CACNA1A: variants seen among roughly 807,000 people sequenced by gnomAD.
The protein encoded by CACNA1A is calcium voltage-gated channel subunit alpha1 A.
Under a neutral mutation model 262.4 loss-of-function variants are expected in CACNA1A, and 57 were observed. The observed-to-expected ratio is 0.22, with a 90% CI of 0.18 to 0.27. CACNA1A has a LOEUF of 0.27. Ranked by LOEUF, CACNA1A falls within the 10% of genes least tolerant of loss-of-function variation. CACNA1A has a pLI of 1.00. For missense variants in CACNA1A, 2,526 were observed against 3,562.8 expected (o/e 0.71, Z 7.41); for synonymous variants, 1,431 against 1,419.3 (o/e 1.01, Z -0.18).
At chr19:13,299,472 C>T in intron 18 of CACNA1A, 119 bp from the exon 19 acceptor site, 1 of 818,540 alleles carries the variant, frequency 1.2e-6, no homozygotes, top group Non-Finnish European at 2.0e-6. Context: ...CTCTACTCCC[C>T]ACTGAATGCT....
chr19:13,469,005 T>G (rs533698738), intron 1 of CACNA1A, among the ~76,000 whole-genome samples: 130 of 151,938 alleles, frequency 8.6e-4, no homozygotes, highest in African/African-American at 3.0e-3. Flanking sequence ...CCAACTCAGA[T>G]AAGGTGGAAA....
rs1306901408 is a variant in CACNA1A, at chr19:13,207,501, A to AGGACGCGTGTCGTAC, written c.7318_7332dup (p.Val2440_Ser2444dup). ...CTGGGCGAGCGCCCGGTGGCGCCCGAGGACGCGTGTCGTACGGGGGGTGGC... is the reference window on the plus strand; with the variant it reads ...CTGGGCGAGCGCCCGGTGGCGCCCGAGGACGCGTGTCGTACGGACGCGTGTCGTACGGGGGGTGGC... On this transcript the variant is annotated inframe_insertion, in exon 47 of 47. Coordinates refer to ENST00000360228, the MANE Select transcript of CACNA1A (RefSeq NM_001127222.2). This position sits in a 1 kb window ranked among gnomAD's most constrained non-coding sequence, Gnocchi z 5.7. 60 of 1,422,904 alleles carry AGGACGCGTGTCGTAC rather than the reference A, an allele frequency of 4.2e-5. No homozygotes were observed. The highest frequency in any genetic ancestry group is 5.2e-5 in the Non-Finnish European group (57 of 1,094,684). The allele number at this position is 1,422,904 out of a possible 1,614,324, so 88.1% of individuals were successfully genotyped here.
chr19:13,486,336 T>C (rs1288722094), intron 1 of CACNA1A, among the ~76,000 whole-genome samples: 1 of 152,084 alleles, frequency 6.6e-6, no homozygotes, highest in Non-Finnish European at 1.5e-5. Context: ...TGTTCATCTA[T>C]GTTCCTACAC....
intron 19 of CACNA1A, among the ~76,000 whole-genome samples, chr19:13,290,380 A>ATG (rs1431670597): frequency 6.7e-6 from 1 of 150,250 alleles, no homozygotes; most frequent in Admixed American, 6.6e-5. Flanking sequence ...ATCATCTGTA[A>ATG]TGTGTGTGTG....
At chr19:13,329,077 GAAC>G (rs531979551) in intron 10 of CACNA1A, among the ~76,000 whole-genome samples, 2 of 152,132 alleles carry the variant, frequency 1.3e-5, no homozygotes, top group South Asian at 4.1e-4. Flanking sequence ...ACCCATTAAA[GAAC>G]AACAACAACA....
chr19:13,286,417 G>A, intron 20 of CACNA1A, 86 bp downstream of exon 20: 1 of 593,222 alleles, frequency 1.7e-6, no homozygotes, highest in Non-Finnish European at 2.8e-6. Flanking sequence ...GAGAGATGGG[G>A]TCACAGTCCA....
intron 1 of CACNA1A, among the ~76,000 whole-genome samples, chr19:13,495,968 C>T (rs966851329): frequency 5.3e-5 from 8 of 152,048 alleles, no homozygotes; most frequent in African/African-American, 1.9e-4. Context: ...CACCCACCTA[C>T]CCTCCAATCA....
chr19:13,438,750 T>C (rs1555787127), intron 3 of CACNA1A, among the ~76,000 whole-genome samples: 1 of 152,222 alleles, frequency 6.6e-6, no homozygotes, highest in South Asian at 2.1e-4. Flanking sequence ...GTCTTGGGGA[T>C]TGTTTGTTAC....
At chr19:13,477,542 G>A (rs542529760) in intron 1 of CACNA1A, among the ~76,000 whole-genome samples, 1 of 152,324 alleles carries the variant, frequency 6.6e-6, no homozygotes, top group East Asian at 1.9e-4. Context: ...AATCAGGTAT[G>A]CAGCAGCAAA....
At chr19:13,240,792 G>GTGTGTGCGCAGTGAC (rs2056058972) in intron 31 of CACNA1A, among the ~76,000 whole-genome samples, 1 of 130,928 alleles carries the variant, frequency 7.6e-6, no homozygotes, top group East Asian at 2.3e-4. Context: ...CAGTGACTGA[G>GTGTGTGCGCAGTGAC]TGTGTGCACA....
In CACNA1A at chr19:13,240,007, C is replaced by T. The variant is rs560707026; in HGVS notation, c.4951-4277G>A. On this transcript the variant is annotated intron_variant, in intron 31 of 46. Coordinates refer to ENST00000360228, the MANE Select transcript of CACNA1A (RefSeq NM_001127222.2). ...CTCTACTAAAAATACAAGAAGTGGC[C>T]TGGCGTGGTGGTACATGCTTGTAAT... 1.6e-4 allele frequency among the ~76,000 whole-genome samples: 24 copies of T among 152,056 alleles called. No individual in the cohort carries two copies. The South Asian group carries it at 3.9e-3, about 25-fold the overall frequency.
intron 6 of CACNA1A, among the ~76,000 whole-genome samples, chr19:13,351,581 C>A (rs889952737): frequency 1.3e-5 from 2 of 152,186 alleles, no homozygotes; most frequent in African/African-American, 4.8e-5. Flanking sequence ...GTGATCTCAG[C>A]TCACTGCAAC....
chr19:13,496,043 ACCATCCATCCAT>A lies in CACNA1A; in HGVS notation c.293+9877_293+9888del, dbSNP rs140251496. Among the ~76,000 whole-genome samples, 195 of 145,864 alleles carry A rather than the reference ACCATCCATCCAT, an allele frequency of 1.3e-3. 2 individuals carry two copies. Among genetic ancestry groups the A allele is most frequent in the Middle Eastern group, 3.5e-3 (1 of 288 alleles). The stretch of plus-strand genomic sequence containing the variant: ...ATCCACTCATCCATGCATCTGTTCA[ACCATCCATCCAT>A]CCATCCATCCATCCATCCATCCATC... On this transcript the variant is annotated intron_variant, in intron 1 of 46. Coordinates refer to ENST00000360228, the MANE Select transcript of CACNA1A (RefSeq NM_001127222.2).
At chr19:13,393,703 TTCTCTC>T (rs200728592) in intron 3 of CACNA1A, among the ~76,000 whole-genome samples, 1 of 131,712 alleles carries the variant, frequency 7.6e-6, no homozygotes, top group African/African-American at 2.6e-5. Context: ...TTCTTTACCT[TTCTCTC>T]TCTCTTTCTG....
chr19:13,311,590 C>A (rs904980256), intron 12 of CACNA1A, among the ~76,000 whole-genome samples: 3 of 152,190 alleles, frequency 2.0e-5, no homozygotes, highest in Non-Finnish European at 2.9e-5. Context: ...GTAATCCCAG[C>A]ACTTTGGGAG....
intron 31 of CACNA1A, among the ~76,000 whole-genome samples, chr19:13,240,369 G>C (rs1231882589): frequency 1.3e-5 from 2 of 152,112 alleles, no homozygotes. Flanking sequence ...TCTGTGTGCA[G>C]TGACTGTGTG....
At chr19:13,418,836 G>A (rs1187860199) in intron 3 of CACNA1A, among the ~76,000 whole-genome samples, 1 of 152,166 alleles carries the variant, frequency 6.6e-6, no homozygotes, top group African/African-American at 2.4e-5. Flanking sequence ...CTATACAATG[G>A]TGGTCCCATA....
intron 6 of CACNA1A, among the ~76,000 whole-genome samples, chr19:13,354,709 C>T (rs1018605804): frequency 6.6e-6 from 1 of 152,152 alleles, no homozygotes; most frequent in Non-Finnish European, 1.5e-5. Context: ...CCCCTGGTAC[C>T]TCAGAATGTG....
At chr19:13,505,849 G>A in intron 1 of CACNA1A, 83 bp downstream of exon 1, 1 of 1,419,774 alleles carries the variant, frequency 7.0e-7, no homozygotes, top group East Asian at 2.4e-5. Context: ...TCAACCCCCG[G>A]GTCTCTCTCC....
Sources: gnomAD v4.1 joint callset for allele counts (sites outside exome capture counted in the v4.1 genomes callset) on GRCh38, gnomAD v4.1.1 for gene constraint, Gnocchi (gnomAD v3.1) non-coding constraint, MANE v1.5 for transcripts, NCBI Gene and HGNC (gene_info 2026-07-23, HGNC 2026-07-21) for gene names.